The following CDKAL1 variants were observed in gnomAD, a reference collection of about 807,000 sequenced individuals.
CDKAL1 encodes the protein threonylcarbamoyladenosine tRNA methylthiotransferase.
In CDKAL1, 32 loss-of-function variants were observed where a neutral mutation model predicts 68.2. The ratio of observed to expected loss-of-function variants is 0.47; its 90% CI spans 0.35 to 0.63. CDKAL1 has a LOEUF of 0.63. CDKAL1 is among the 30% of genes least tolerant of loss of function. The pLI is 0.00. For missense variants in CDKAL1, 606 were observed against 696.7 expected (o/e 0.87, Z 1.47); for synonymous variants, 234 against 244.3 (o/e 0.96, Z 0.39).
intron 7 of CDKAL1, among the ~76,000 whole-genome samples, chr6:20,760,658 C>T (rs1320802764): frequency 6.6e-6 from 1 of 152,196 alleles, no homozygotes; most frequent in African/African-American, 2.4e-5. Context: ...TGCTCTCTCA[C>T]AGTTGAGATT....
intron 13 of CDKAL1, among the ~76,000 whole-genome samples, chr6:21,154,834 CA>C (rs1356644515): frequency 6.6e-6 from 1 of 150,736 alleles, no homozygotes; most frequent in Non-Finnish European, 1.5e-5. Flanking sequence ...CTAAAAATAC[CA>C]AAAAAAAATT....
At chr6:20,926,762 T>C (rs549307361) in intron 9 of CDKAL1, among the ~76,000 whole-genome samples, 3 of 152,006 alleles carry the variant, frequency 2.0e-5, no homozygotes, top group African/African-American at 4.8e-5. Flanking sequence ...AGGGACTTGA[T>C]AGAAGGTGTC....
intron 4 of CDKAL1, among the ~76,000 whole-genome samples, chr6:20,582,482 C>G (rs937457083): frequency 1.3e-5 from 2 of 152,132 alleles, no homozygotes; most frequent in African/African-American, 4.8e-5. Flanking sequence ...GCAATTTTAT[C>G]TAAACTCTTC....
At chr6:20,909,185 ATGTG>A (rs57042223) in intron 9 of CDKAL1, among the ~76,000 whole-genome samples, 2,821 of 119,086 alleles carry the variant, frequency 0.024, 60 homozygotes, top group African/African-American at 0.063. Flanking sequence ...GTGTGCATGT[ATGTG>A]TGTGTGTGTG....
At chr6:20,936,337 G>A (rs1763709913) in intron 9 of CDKAL1, among the ~76,000 whole-genome samples, 1 of 129,186 alleles carries the variant, frequency 7.7e-6, no homozygotes, top group Non-Finnish European at 1.6e-5. Context: ...TGCAAGCTCC[G>A]CCTCCCGGGT....
intron 9 of CDKAL1, among the ~76,000 whole-genome samples, chr6:20,894,053 T>C (rs903373875): frequency 1.3e-5 from 2 of 152,210 alleles, no homozygotes; most frequent in Non-Finnish European, 1.5e-5. Flanking sequence ...AATTGTGTGC[T>C]GAGTACATTT....
intron 9 of CDKAL1, among the ~76,000 whole-genome samples, chr6:20,907,430 A>G (rs1762280354): frequency 1.3e-5 from 2 of 152,210 alleles, no homozygotes; most frequent in South Asian, 2.1e-4. Context: ...AACAAAAACA[A>G]AATTAGTTAA....
At chr6:21,153,287 C>T (rs1776501966) in intron 13 of CDKAL1, among the ~76,000 whole-genome samples, 1 of 137,086 alleles carries the variant, frequency 7.3e-6, no homozygotes, top group African/African-American at 2.7e-5. Flanking sequence ...CATGAACTCT[C>T]AAATACAAAG....
At chr6:21,223,587 C>T (rs1779615007) in intron 15 of CDKAL1, among the ~76,000 whole-genome samples, 1 of 148,898 alleles carries the variant, frequency 6.7e-6, no homozygotes, top group African/African-American at 2.6e-5. Flanking sequence ...CTCTAAACAA[C>T]ATGACTTCCT....
At chr6:20,925,873 C>T (rs925276812) in intron 9 of CDKAL1, among the ~76,000 whole-genome samples, 1 of 152,042 alleles carries the variant, frequency 6.6e-6, no homozygotes, top group Non-Finnish European at 1.5e-5. Context: ...GAGTGATACT[C>T]CATCTAAAAA....
intron 13 of CDKAL1, among the ~76,000 whole-genome samples, chr6:21,184,195 C>CTTTTTTTTTTTTTTTTTT (rs1562098807): frequency 1.0e-5 from 1 of 99,342 alleles, no homozygotes; most frequent in Non-Finnish European, 2.2e-5. Flanking sequence ...ATTTCTTTGA[C>CTTTTTTTTTTTTTTTTTT]CTTTTTTTTT....
At chr6:20,547,600 T>C (rs1173133549) in intron 3 of CDKAL1, among the ~76,000 whole-genome samples, 2 of 152,204 alleles carry the variant, frequency 1.3e-5, no homozygotes, top group Non-Finnish European at 2.9e-5. Flanking sequence ...TGCTGAACTT[T>C]ATAATCTGCT....
intron 12 of CDKAL1, among the ~76,000 whole-genome samples, chr6:21,071,618 G>A (rs1452710279): frequency 2.6e-5 from 4 of 151,940 alleles, no homozygotes; most frequent in African/African-American, 9.7e-5. Flanking sequence ...GATTCTGGTC[G>A]TTTGTCTTTT....
intron 4 of CDKAL1, among the ~76,000 whole-genome samples, chr6:20,573,331 A>G (rs1054432669): frequency 2.0e-5 from 3 of 152,158 alleles, no homozygotes; most frequent in African/African-American, 7.2e-5. Context: ...TGCAAATGAC[A>G]GTTTTCATAA....
intron 8 of CDKAL1, among the ~76,000 whole-genome samples, chr6:20,824,116 T>A (rs1456625990): frequency 6.6e-6 from 1 of 152,132 alleles, no homozygotes; most frequent in African/African-American, 2.4e-5. Flanking sequence ...ACCAAAGGTG[T>A]TGTGTCTTGC....
chr6:20,675,648 G>T (rs1179543652), intron 5 of CDKAL1, among the ~76,000 whole-genome samples: 1 of 152,118 alleles, frequency 6.6e-6, no homozygotes, highest in Admixed American at 6.5e-5. Flanking sequence ...AACCTACTGT[G>T]CTGCCAATTG....
chr6:20,854,853 T>C (rs1166782500), intron 9 of CDKAL1, among the ~76,000 whole-genome samples: 1 of 152,226 alleles, frequency 6.6e-6, no homozygotes, highest in African/African-American at 2.4e-5. Context: ...TTTAAAATAA[T>C]GAGGCTCTGG....
At chr6:21,091,717 C>G (rs1286761964) in intron 12 of CDKAL1, among the ~76,000 whole-genome samples, 1 of 152,126 alleles carries the variant, frequency 6.6e-6, no homozygotes, top group East Asian at 1.9e-4. Flanking sequence ...CAGTCACACA[C>G]GCCTTTCCTT....
intron 11 of CDKAL1, among the ~76,000 whole-genome samples, chr6:21,026,665 G>T (rs554079270): frequency 6.6e-6 from 1 of 152,080 alleles, no homozygotes; most frequent in Non-Finnish European, 1.5e-5. Context: ...ATGAAAAAAG[G>T]CAGACTTTTA....
Sources: gnomAD v4.1 joint callset for allele counts (sites outside exome capture counted in the v4.1 genomes callset) on GRCh38, gnomAD v4.1.1 for gene constraint, MANE v1.5 for transcripts, NCBI Gene and HGNC (gene_info 2026-07-23, HGNC 2026-07-21) for gene names.